Variants in OCA2 observed in about 807,000 individuals in gnomAD.
OCA2 encodes the protein OCA2 melanosomal transmembrane protein, also known as P protein.
Under a neutral mutation model 100.2 loss-of-function variants are expected in OCA2, and 77 were observed. The ratio of observed to expected loss-of-function variants is 0.77; its 90% confidence interval spans 0.64 to 0.93. The LOEUF is 0.93. OCA2 is among the 40% of genes least tolerant of loss of function. The pLI is 0.00. For missense variants in OCA2, 1,062 were observed against 1,089.1 expected, an observed-to-expected ratio of 0.98 and a Z score of 0.35; for synonymous variants, 432 against 439.2, an observed-to-expected ratio of 0.98 and a Z score of 0.21.
At chr15:27,777,610 C>T (rs1004259249) in intron 23 of OCA2, among the ~76,000 whole-genome samples, 12 of 152,202 alleles carry the variant, frequency 7.9e-5, no homozygotes, top group African/African-American at 2.9e-4. Context: ...TATTCACATG[C>T]ACATTTTTAC....
At chr15:27,886,325 A>G (rs1321108966) in intron 19 of OCA2, among the ~76,000 whole-genome samples, 1 of 152,196 alleles carries the variant, frequency 6.6e-6, no homozygotes, top group Non-Finnish European at 1.5e-5. Context: ...TAACTTTTCA[A>G]CATCACAAGG....
At chr15:28,011,395 G>C (rs2042235620) in intron 9 of OCA2, among the ~76,000 whole-genome samples, 1 of 152,140 alleles carries the variant, frequency 6.6e-6, no homozygotes, top group South Asian at 2.1e-4. Flanking sequence ...TTGAGCCCAG[G>C]AGTTTGAGGC....
chr15:28,004,655 C>A (rs966550007), intron 9 of OCA2, among the ~76,000 whole-genome samples: 6 of 152,092 alleles, frequency 3.9e-5, no homozygotes, highest in African/African-American at 1.2e-4. Context: ...CTGACACACA[C>A]CCTCACATGC....
chr15:27,890,380 C>G (rs973899328), intron 19 of OCA2, among the ~76,000 whole-genome samples: 2 of 152,254 alleles, frequency 1.3e-5, no homozygotes, highest in Admixed American at 1.3e-4. Flanking sequence ...CAGGATAACA[C>G]GATGAACCCA....
intron 22 of OCA2, among the ~76,000 whole-genome samples, chr15:27,849,538 G>GT (rs1053376426): frequency 3.8e-5 from 2 of 52,934 alleles, no homozygotes; most frequent in South Asian, 1.0e-3. Context: ...GGTCAGACCA[G>GT]TTAAAAAAAA....
chr15:27,748,616 T>C, the OCA2 span, among the ~76,000 whole-genome samples: 1 of 152,172 alleles, frequency 6.6e-6, no homozygotes, highest in Non-Finnish European at 1.5e-5. Context: ...AGCCAGTTTT[T>C]CCAGTATATA....
intron 23 of OCA2, among the ~76,000 whole-genome samples, chr15:27,816,682 C>T (rs77326760): frequency 9.0e-4 from 137 of 152,238 alleles, no homozygotes; most frequent in African/African-American, 3.2e-3. Context: ...CCTTCATGCC[C>T]AGGATGACGA....
intron 1 of OCA2, among the ~76,000 whole-genome samples, chr15:28,086,660 T>G (rs1355371653): frequency 6.6e-5 from 10 of 152,116 alleles, no homozygotes; most frequent in Admixed American, 6.5e-4. Context: ...GTTAGAATTA[T>G]CTGAAAAAAT....
intron 23 of OCA2, among the ~76,000 whole-genome samples, chr15:27,813,447 C>CA (rs1401599707): frequency 3.3e-5 from 5 of 152,222 alleles, no homozygotes; most frequent in African/African-American, 4.8e-5. Flanking sequence ...TACACACTCA[C>CA]AGCCTATGAG....
At chr15:27,810,822 T>C (rs1173170089) in intron 23 of OCA2, among the ~76,000 whole-genome samples, 1 of 152,200 alleles carries the variant, frequency 6.6e-6, no homozygotes, top group Non-Finnish European at 1.5e-5. Context: ...CACAATGAGA[T>C]GCCATCTTAC....
chr15:27,894,065 T>C (rs551332320), intron 19 of OCA2, among the ~76,000 whole-genome samples: 3 of 152,358 alleles, frequency 2.0e-5, no homozygotes, highest in East Asian at 3.9e-4. Flanking sequence ...CCTACCAATA[T>C]GTGATGTCAC....
intron 2 of OCA2, among the ~76,000 whole-genome samples, chr15:28,077,538 G>A (rs1013287182): frequency 2.6e-5 from 4 of 152,166 alleles, no homozygotes; most frequent in Admixed American, 6.5e-5. Context: ...GTCCAGCAGC[G>A]TTCCAGGGCT....
chr15:27,903,735 G>A (rs2038058746), intron 19 of OCA2, among the ~76,000 whole-genome samples: 1 of 152,148 alleles, frequency 6.6e-6, no homozygotes, highest in African/African-American at 2.4e-5. Context: ...TTTAAACTCT[G>A]GACAAACTGC....
chr15:27,999,366 T>C (rs12901737), intron 9 of OCA2, among the ~76,000 whole-genome samples: 1,612 of 152,234 alleles, frequency 0.011, 10 homozygotes, highest in Non-Finnish European at 0.019. Context: ...ATAAAAATCA[T>C]AGGATCATCT....
chr15:28,022,666 ATGG>A, intron 5 of OCA2, 93 bp from the exon 6 acceptor site: 2 of 896,300 alleles, frequency 2.2e-6, no homozygotes, highest in Non-Finnish European at 1.9e-6. Context: ...AGATGTGATG[ATGG>A]GGCTACTGTG....
chr15:27,908,103 A>C (rs1435471674), intron 19 of OCA2, among the ~76,000 whole-genome samples: 1 of 152,214 alleles, frequency 6.6e-6, no homozygotes, highest in Non-Finnish European at 1.5e-5. Context: ...GAATATCATG[A>C]ATTACTAATA....
chr15:28,081,411 G>T (rs1239243826), intron 2 of OCA2, among the ~76,000 whole-genome samples: 1 of 152,116 alleles, frequency 6.6e-6, no homozygotes, highest in Admixed American at 6.5e-5. Flanking sequence ...TAAGTGTTAA[G>T]TCTTCATGCT....
At chr15:28,072,337 C>A (rs2044286241) in intron 2 of OCA2, among the ~76,000 whole-genome samples, 1 of 152,144 alleles carries the variant, frequency 6.6e-6, no homozygotes. Flanking sequence ...CGCCTGTAAT[C>A]CCAGCACTTT....
At chr15:27,905,099 G>A (rs548066585) in intron 19 of OCA2, among the ~76,000 whole-genome samples, 15 of 149,560 alleles carry the variant, frequency 1.0e-4, no homozygotes, top group African/African-American at 3.4e-4. Flanking sequence ...AGGAGGCAGA[G>A]GTTGCAATGA....
Sources: gnomAD v4.1 joint callset for allele counts (sites outside exome capture counted in the v4.1 genomes callset) on GRCh38, gnomAD v4.1.1 for gene constraint, MANE v1.5 for transcripts, NCBI Gene and HGNC (gene_info 2026-07-23, HGNC 2026-07-21) for gene names.